Variants in SIPA1L3 observed in about 807,000 individuals in gnomAD.
SIPA1L3 encodes the protein signal induced proliferation associated 1 like 3, also known as signal-induced proliferation-associated 1-like protein 3.
Under a neutral mutation model 150.1 loss-of-function variants are expected in SIPA1L3, and 59 were observed. That is an observed-to-expected ratio of 0.39 (90% CI 0.32 to 0.49). SIPA1L3 has a LOEUF of 0.49. Ranked by LOEUF, SIPA1L3 falls within the 20% of genes least tolerant of loss-of-function variation. The probability of loss-of-function intolerance (pLI) is 0.86; values close to 1 mark genes in which losing one functional copy is unlikely to be tolerated. For synonymous variants in SIPA1L3, 1,070 were observed against 1,077.6 expected (o/e 0.99, Z 0.14); for missense variants, 2,211 against 2,489.5 (o/e 0.89, Z 2.38).
At chr19:38,185,731 T>A (rs901364407) in intron 16 of SIPA1L3, 28 of 152,186 alleles carry the variant, frequency 1.8e-4, no homozygotes, top group Admixed American at 1.0e-3. Context: ...TCTCCCTGCA[T>A]CTGTGCCCAC....
chr19:37,987,138 G>A (rs569077741), intron 1 of SIPA1L3, among the ~76,000 whole-genome samples: 107 of 152,146 alleles, frequency 7.0e-4, no homozygotes, highest in African/African-American at 2.3e-3. Flanking sequence ...ATGTTGGCCA[G>A]GCTGGTCTCA....
At chr19:38,012,680 T>C (rs191320604) in intron 1 of SIPA1L3, among the ~76,000 whole-genome samples, 112 of 141,058 alleles carry the variant, frequency 7.9e-4, no homozygotes, top group African/African-American at 2.8e-3. Flanking sequence ...CCCCCCATCC[T>C]CTCTCCTCCC....
chr19:38,069,596 C>T (rs1477711838), intron 2 of SIPA1L3, among the ~76,000 whole-genome samples: 2 of 152,142 alleles, frequency 1.3e-5, no homozygotes, highest in East Asian at 1.9e-4. Context: ...CTCAGGCCTG[C>T]GCCCCACCCC....
chr19:38,081,623 G>A lies in SIPA1L3; in HGVS notation c.58G>A (p.Ala20Thr), dbSNP rs765641004. The change falls in exon 3 of 22, where the codon GCC becomes ACC. Residue 20 changes from alanine (A) to threonine (T), a missense_variant. Transcript: ENST00000222345. ...TGTGGACCTGGCAGCCAGCTGTGGC[G>A]CCAGGGTGGGCGATGTCCTCCCTGG... Reference protein sequence around the residue: ...DGVDLAASCGARVGDVLPGPH... With the variant: ...DGVDLAASCGTRVGDVLPGPH... 12 of 1,603,878 alleles carry A rather than the reference G, an allele frequency of 7.5e-6. No homozygotes were observed. Among genetic ancestry groups the A allele is most frequent in the African/African-American group, 5.4e-5 (4 of 74,718 alleles).
chr19:38,189,816 C>T (rs868137880), intron 16 of SIPA1L3, among the ~76,000 whole-genome samples: 5 of 152,154 alleles, frequency 3.3e-5, no homozygotes, highest in Admixed American at 6.5e-5. Flanking sequence ...GTATTAGAAA[C>T]GAGAGTTTGG....
intron 20 of SIPA1L3, among the ~76,000 whole-genome samples, chr19:38,203,271 G>A (rs573113792): frequency 2.6e-5 from 4 of 152,328 alleles, no homozygotes; most frequent in East Asian, 1.9e-4. Context: ...GCCCCTGGGC[G>A]GCGCTCCTGG....
chr19:38,072,366 G>T (rs200944638), intron 2 of SIPA1L3, among the ~76,000 whole-genome samples: 2 of 152,180 alleles, frequency 1.3e-5, no homozygotes, highest in East Asian at 3.8e-4. Flanking sequence ...ACTGGCTTTT[G>T]TGTATGTTTT....
At chr19:37,930,338 C>G (rs548645195) in intron 1 of SIPA1L3, among the ~76,000 whole-genome samples, 1 of 150,292 alleles carries the variant, frequency 6.7e-6, no homozygotes, top group African/African-American at 2.5e-5. Flanking sequence ...TTTAATCATT[C>G]ATAGAGACGA....
intron 5 of SIPA1L3, among the ~76,000 whole-genome samples, chr19:38,100,376 C>G (rs931425859): frequency 5.9e-5 from 9 of 152,174 alleles, no homozygotes; most frequent in Non-Finnish European, 1.0e-4. Context: ...GGTGAGATAG[C>G]TGCTAGGTCC....
At chr19:38,170,523 A>G (rs1268063763) in intron 15 of SIPA1L3, among the ~76,000 whole-genome samples, 2 of 152,110 alleles carry the variant, frequency 1.3e-5, no homozygotes, top group Admixed American at 6.5e-5. Context: ...TGACTGCCCT[A>G]TGTCTACCTC....
At chr19:38,166,534 G>A (rs566694905) in intron 15 of SIPA1L3, among the ~76,000 whole-genome samples, 19 of 152,066 alleles carry the variant, frequency 1.2e-4, no homozygotes, top group South Asian at 4.2e-4. Flanking sequence ...ACACACTGAC[G>A]TTCGGATGGA....
chr19:38,039,860 C>T (rs1229269419), intron 2 of SIPA1L3, among the ~76,000 whole-genome samples: 1 of 152,116 alleles, frequency 6.6e-6, no homozygotes, highest in Non-Finnish European at 1.5e-5. Flanking sequence ...TGGCTCACGC[C>T]TGTAATCCTG....
chr19:38,168,185 G>A (rs1362832260), intron 15 of SIPA1L3, among the ~76,000 whole-genome samples: 1 of 152,114 alleles, frequency 6.6e-6, no homozygotes, highest in African/African-American at 2.4e-5. Context: ...TCAGGAGTTC[G>A]AGACCAGCCT....
chr19:38,166,107 C>T (rs1473434818), intron 15 of SIPA1L3, among the ~76,000 whole-genome samples: 1 of 152,050 alleles, frequency 6.6e-6, no homozygotes, highest in Non-Finnish European at 1.5e-5. Flanking sequence ...GCTGCTGGTC[C>T]CAGGACCACA....
intron 6 of SIPA1L3, 105 bp from the exon 7 acceptor site, chr19:38,106,432 T>G: frequency 1.3e-6 from 1 of 797,868 alleles, no homozygotes; most frequent in Non-Finnish European, 2.3e-6. Context: ...TAAGAGTAGA[T>G]TGAAGTGAAA....
chr19:38,068,084 G>A lies in SIPA1L3; in HGVS notation c.-310-13172G>A, dbSNP rs185750433. Among the ~76,000 whole-genome samples, 299 of 149,470 alleles carry A rather than the reference G, an allele frequency of 2.0e-3. 4 individuals carry two copies. Among genetic ancestry groups the A allele is most frequent in the Admixed American group, 0.018 (267 of 14,894 alleles). On this transcript the variant is annotated intron_variant, in intron 2 of 21. Transcript: ENST00000222345. ...TTTGCCCAGGCTGGAGTGCAGTGGC[G>A]CTATCTCGGCTCACTGCAAGCTCCA... is the stretch of plus-strand genomic sequence containing the variant.
At chr19:38,011,052 G>T (rs1180963271) in intron 1 of SIPA1L3, among the ~76,000 whole-genome samples, 2 of 152,164 alleles carry the variant, frequency 1.3e-5, no homozygotes, top group Non-Finnish European at 2.9e-5. Context: ...TCTTAGAGCT[G>T]CTAGAACATT....
At chr19:38,098,010 T>A (rs1970416681) in intron 4 of SIPA1L3, among the ~76,000 whole-genome samples, 1 of 152,218 alleles carries the variant, frequency 6.6e-6, no homozygotes. Context: ...GCACGTAACC[T>A]CTTGGAACTT....
At chr19:38,011,472 T>C (rs531235282) in intron 1 of SIPA1L3, among the ~76,000 whole-genome samples, 2 of 152,112 alleles carry the variant, frequency 1.3e-5, no homozygotes, top group African/African-American at 4.8e-5. Context: ...TGAGACCCTG[T>C]CTTGAAAAAA....
Sources: gnomAD v4.1 joint callset for allele counts (sites outside exome capture counted in the v4.1 genomes callset) on GRCh38, gnomAD v4.1.1 for gene constraint, MANE v1.5 for transcripts, NCBI Gene and HGNC (gene_info 2026-07-23, HGNC 2026-07-21) for gene names.